MYH9: variants seen among roughly 807,000 people sequenced by gnomAD.
MYH9 encodes myosin heavy chain 9.
A neutral mutation model predicts 241.9 loss-of-function variants in MYH9; 29 were observed. The ratio of observed to expected loss-of-function variants is 0.12; its 90% CI spans 0.09 to 0.16. The LOEUF (loss-of-function observed/expected upper bound fraction) is 0.16, where lower values mean the gene tolerates loss of function less well. Ranked by LOEUF, MYH9 falls within the 10% of genes least tolerant of loss-of-function variation. The pLI is 1.00. For missense variants in MYH9, 1,803 were observed against 2,595.5 expected (o/e 0.69, Z 6.63); for synonymous variants, 1,047 against 1,062.6 (o/e 0.99, Z 0.29).
Position 36,288,204 on chromosome 22 carries a change from G to T in MYH9, c.4932+48C>A. The stretch of plus-strand genomic sequence containing the variant: ...GCCCTGGCACCTTCATATGTAGTTG[G>T]CTCAGTCGGGTGCCGCCCACCCTCA... On this transcript the variant is annotated intron_variant, in intron 34 of 40. Coordinates refer to ENST00000216181, the MANE Select transcript of MYH9 (RefSeq NM_002473.6). This position sits in a 1 kb window ranked among gnomAD's most constrained non-coding sequence, Gnocchi z 4.8. 6.2e-7 allele frequency: 1 copy of T among 1,608,578 alleles called. No homozygotes were observed. Among genetic ancestry groups the T allele is most frequent in the Non-Finnish European group, 8.5e-7 (1 of 1,178,736 alleles).
At chr22:36,307,636 C>T (rs1603483173) in intron 15 of MYH9, among the ~76,000 whole-genome samples, 1 of 152,172 alleles carries the variant, frequency 6.6e-6, no homozygotes, top group Non-Finnish European at 1.5e-5. Flanking sequence ...GCCTGTAATC[C>T]CAGCACTTTG....
At chr22:36,284,623 C>T (rs1408244451) in intron 38 of MYH9, 112 bp from the exon 39 acceptor site, 56 of 1,001,542 alleles carry the variant, frequency 5.6e-5, no homozygotes, top group Admixed American at 5.1e-4. Flanking sequence ...CTAGGGATCA[C>T]GTAGGGAGGC....
chr22:36,373,962 C>A (rs1011016921), intron 1 of MYH9, among the ~76,000 whole-genome samples: 1 of 152,116 alleles, frequency 6.6e-6, no homozygotes, highest in Non-Finnish European at 1.5e-5. Context: ...GACAGAAAAC[C>A]CAGAAAAATG....
intron 3 of MYH9, among the ~76,000 whole-genome samples, chr22:36,333,885 G>A (rs1025815788): frequency 6.6e-6 from 1 of 152,134 alleles, no homozygotes; most frequent in Non-Finnish European, 1.5e-5. Flanking sequence ...GAGGCCAAAA[G>A]CACGAAGTGG....
chr22:36,300,410 C>A lies in MYH9; in HGVS notation c.2839-146G>T. ...AGGGCCATGGCTGAGGTGGGGACGG[C>A]AAGGTCCGCCAGCCCAGGGCCACAG... On this transcript the variant is annotated intron_variant, in intron 22 of 40. Coordinates refer to ENST00000216181, the MANE Select transcript of MYH9 (RefSeq NM_002473.6). The surrounding 1 kb of genome is among the most constrained non-coding windows in gnomAD (Gnocchi z 5.0). 1 of 1,177,506 alleles carries A rather than the reference C, an allele frequency of 8.5e-7. No homozygotes were observed. Among genetic ancestry groups the A allele is most frequent in the Non-Finnish European group, 1.2e-6 (1 of 820,136 alleles). 72.9% of individuals were successfully genotyped at this position (1,177,506 alleles called of 1,614,324 possible). A position where few individuals can be genotyped will look rare whatever the true frequency, so the allele number is the denominator to read the frequency against.
At chr22:36,307,395 G>A (rs192680855) in intron 15 of MYH9, among the ~76,000 whole-genome samples, 4 of 152,314 alleles carry the variant, frequency 2.6e-5, no homozygotes, top group East Asian at 1.9e-4. Context: ...AGTGGCCAGC[G>A]ATTTGAGATC....
intron 1 of MYH9, among the ~76,000 whole-genome samples, chr22:36,373,816 T>G (rs1473685415): frequency 2.0e-5 from 3 of 152,156 alleles, no homozygotes; most frequent in Non-Finnish European, 4.4e-5. Context: ...GTCCCTCTCC[T>G]CAGTGGACAT....
At chr22:36,332,863 CCTT>C (rs2017445828) in intron 3 of MYH9, among the ~76,000 whole-genome samples, 2 of 152,054 alleles carry the variant, frequency 1.3e-5, no homozygotes, top group African/African-American at 4.8e-5. Flanking sequence ...GGAAACTTCT[CCTT>C]CTGGGGTTGT....
chr22:36,353,522 G>A (rs187033409), intron 1 of MYH9, among the ~76,000 whole-genome samples: 17 of 152,070 alleles, frequency 1.1e-4, no homozygotes, highest in South Asian at 6.2e-4. Context: ...CACCACAGCC[G>A]GCTAATTTTT....
At chr22:36,328,006 T>C (rs2146370683) in intron 3 of MYH9, among the ~76,000 whole-genome samples, 1 of 152,350 alleles carries the variant, frequency 6.6e-6, no homozygotes, top group South Asian at 2.1e-4. Flanking sequence ...CCTCACAGCC[T>C]GAGACCCGGG....
rs1466348930 is a variant in MYH9, at chr22:36,290,358, AC to A, written c.4345-1062del. Among the ~76,000 whole-genome samples the A allele has an allele frequency of 1.0e-4, 15 of 149,450 alleles. No homozygotes were observed. In the South Asian group the frequency reaches 2.7e-3, roughly 27 times the overall value. On this transcript the variant is annotated intron_variant, in intron 31 of 40. Coordinates refer to ENST00000216181, the MANE Select transcript of MYH9 (RefSeq NM_002473.6). ...GTCTCCAAAAAAAAAAAAAAAAAAA[AC>A]CCAAACTATTTTAAAAAAACCCAAA...
intron 1 of MYH9, among the ~76,000 whole-genome samples, chr22:36,353,569 G>C (rs969453872): frequency 6.6e-6 from 1 of 152,126 alleles, no homozygotes; most frequent in African/African-American, 2.4e-5. Flanking sequence ...GGTCAGGCTG[G>C]TCTTGAACTC....
At chr22:36,344,791 T>C (rs1021362520) in intron 2 of MYH9, among the ~76,000 whole-genome samples, 2 of 152,228 alleles carry the variant, frequency 1.3e-5, no homozygotes, top group African/African-American at 2.4e-5. Flanking sequence ...ATAATGACTG[T>C]TCCCTTTCGT....
rs186085395 is a variant in MYH9, at chr22:36,283,452, G to A, written c.5765+641C>T. ...CTCCAGGGGCTGAGGGAGGAGAATC[G>A]CTTGAACCCGGGAGGCAGAGGTTGC... On this transcript the variant is annotated intron_variant, in intron 40 of 40. Transcript: ENST00000216181. Among the ~76,000 whole-genome samples, 452 of 151,228 alleles carry A rather than the reference G, an allele frequency of 3.0e-3. 1 individual carries two copies. The highest frequency in any genetic ancestry group is 4.8e-3 in the Non-Finnish European group (324 of 67,886).
intron 32 of MYH9, 51 bp downstream of exon 32, chr22:36,289,021 CGACCCTCTGTGAT>C: frequency 6.2e-7 from 1 of 1,612,460 alleles, no homozygotes; most frequent in Admixed American, 1.7e-5. Context: ...GTGCACACAC[CGACCCTCTGTGAT>C]GACCCCACTC....
intron 1 of MYH9, among the ~76,000 whole-genome samples, chr22:36,377,737 G>A (rs1031823943): frequency 1.1e-4 from 16 of 151,606 alleles, no homozygotes; most frequent in African/African-American, 3.4e-4. Context: ...GTGAAACCCC[G>A]TCTCTACCAA....
Position 36,320,173 on chromosome 22 carries a change from A to AG in MYH9, c.1012+46dup. ...CTGATGCCCCGAGGCCGTGGGTACC[A>AG]GCCTTCCTCTGCCCCACACTCGACC... On this transcript the variant is annotated intron_variant, in intron 9 of 40. Transcript: ENST00000216181. The surrounding 1 kb of genome is among the most constrained non-coding windows in gnomAD (Gnocchi z 4.8). The AG allele has an allele frequency of 6.2e-7, 1 of 1,613,240 alleles. No homozygotes were observed. The highest frequency in any genetic ancestry group is 8.5e-7 in the Non-Finnish European group (1 of 1,179,878).
At chr22:36,357,090 C>T (rs2017868017) in intron 1 of MYH9, among the ~76,000 whole-genome samples, 1 of 152,222 alleles carries the variant, frequency 6.6e-6, no homozygotes, top group South Asian at 2.1e-4. Context: ...CATAGTGGAA[C>T]ATTCATGCAG....
intron 1 of MYH9, among the ~76,000 whole-genome samples, chr22:36,386,716 C>T (rs1177906332): frequency 1.3e-5 from 2 of 152,176 alleles, no homozygotes; most frequent in African/African-American, 4.8e-5. Flanking sequence ...CTGCCCCCCA[C>T]CACAGGACAG....
Sources: gnomAD v4.1 joint callset for allele counts (sites outside exome capture counted in the v4.1 genomes callset) on GRCh38, gnomAD v4.1.1 for gene constraint, Gnocchi (gnomAD v3.1) non-coding constraint, MANE v1.5 for transcripts, NCBI Gene and HGNC (gene_info 2026-07-23, HGNC 2026-07-21) for gene names.